Variants in MICAL2 observed in about 807,000 individuals in gnomAD.
MICAL2 encodes the protein microtubule associated monooxygenase, calponin and LIM domain containing 2, also known as [F-actin]-monooxygenase MICAL2.
MICAL2 carries 77 observed loss-of-function variants against 127.3 expected under a neutral mutation model. The observed-to-expected ratio is 0.60, with a 90% CI of 0.50 to 0.73. MICAL2 has a LOEUF of 0.73. Ranked by LOEUF, MICAL2 falls within the 30% of genes least tolerant of loss-of-function variation. The pLI is 0.00. For synonymous variants in MICAL2, 570 were observed against 551.1 expected, an observed-to-expected ratio of 1.03 and a Z score of -0.48; for missense variants, 1,351 against 1,434.4, an observed-to-expected ratio of 0.94 and a Z score of 0.94.
chr11:12,255,793 C>G (rs1177869597), intron 23 of MICAL2, 43 bp downstream of exon 23: 3 of 1,529,966 alleles, frequency 2.0e-6, no homozygotes, highest in Non-Finnish European at 2.7e-6. Context: ...GACACTGGCT[C>G]TGGCATCCCA....
chr11:12,316,302 C>T (rs1289964994), intron 29 of MICAL2, among the ~76,000 whole-genome samples: 1 of 151,838 alleles, frequency 6.6e-6, no homozygotes, highest in African/African-American at 2.4e-5. Flanking sequence ...AATACATTAA[C>T]ATGAGATATC....
Position 12,226,753 on chromosome 11 carries a change from C to T in MICAL2, c.1889-272C>T, listed in dbSNP as rs371451323. ...CTGCAAGCTCTGCCTCCTGGGTTCACGCCATTCTCCTGCCTCAGCCTCCCG... is the reference window on the plus strand; with the variant it reads ...CTGCAAGCTCTGCCTCCTGGGTTCATGCCATTCTCCTGCCTCAGCCTCCCG... On this transcript the variant is annotated intron_variant, in intron 14 of 27. Coordinates refer to ENST00000683283, the MANE Select transcript of MICAL2 (RefSeq NM_001282663.2). Among the ~76,000 whole-genome samples, 24 of 150,078 alleles carry T rather than the reference C, an allele frequency of 1.6e-4. No individual in the cohort carries two copies. The East Asian group carries it at 3.2e-3, about 20-fold the overall frequency.
chr11:12,343,722 G>A (rs1286519688), intron 32 of MICAL2, among the ~76,000 whole-genome samples: 2 of 152,134 alleles, frequency 1.3e-5, no homozygotes, highest in East Asian at 1.9e-4. Flanking sequence ...CTTTTGGATC[G>A]AGAACAAGGA....
intron 3 of MICAL2, among the ~76,000 whole-genome samples, chr11:12,201,279 T>G (rs1860693712): frequency 6.6e-6 from 1 of 152,032 alleles, no homozygotes; most frequent in Non-Finnish European, 1.5e-5. Context: ...TTCCAACCAG[T>G]AAGCCACACT....
Position 12,222,679 on chromosome 11 carries a change from A to T in MICAL2, c.1385A>T (p.Gln462Leu). 1.2e-6 allele frequency: 2 copies of T among 1,614,260 alleles called. No homozygotes were observed. The highest frequency in any genetic ancestry group is 1.7e-6 in the Non-Finnish European group (2 of 1,180,050). The change falls in exon 11 of 28, where the codon CAG (glutamine) becomes CTG (leucine). Residue 462 changes from glutamine to leucine, a missense_variant. Gln to Leu is a moderately radical substitution (Grantham distance 113). Around this residue, in one of 2 missense-constraint regions of MICAL2, gnomAD observed 599 missense variants for 714.9 expected, o/e 0.84. Transcript: ENST00000683283. ...TPENINKNFE[Q>L]YTLDPGTRYP... Reference sequence around the variant, plus strand: ...GAGAACATCAACAAGAACTTTGAGCAGTACACGTTGGACCCAGGGACACGG... The same window carrying T: ...GAGAACATCAACAAGAACTTTGAGCTGTACACGTTGGACCCAGGGACACGG...
intron 3 of MICAL2, among the ~76,000 whole-genome samples, chr11:12,170,039 A>G (rs1299654041): frequency 6.6e-6 from 1 of 152,238 alleles, no homozygotes; most frequent in Non-Finnish European, 1.5e-5. Context: ...GCAGTGCAGC[A>G]GTGAAGTGGC....
rs183544095 is a variant in MICAL2 at position 12,286,634 on chromosome 11, C to T, written c.255-453C>T. Among the ~76,000 whole-genome samples, 164 of 152,116 alleles carry T rather than the reference C, an allele frequency of 1.1e-3. 1 individual carries two copies. Among genetic ancestry groups the T allele is most frequent in the Non-Finnish European group, 1.0e-3 (68 of 67,990 alleles). On this transcript the variant is annotated intron_variant, in intron 2 of 2. Transcript: ENST00000529028. ...CTGTAACCCCAGCACTTTGGGAGGC[C>T]GAGGTGGGAGGATCACTTGAGCCCA...
rs537313598 is a variant in MICAL2, at chr11:12,258,678, G to C, written c.3231+122G>C. 90 of 844,994 alleles carry C rather than the reference G, an allele frequency of 1.1e-4. No homozygotes were observed. The African/African-American group carries it at 1.4e-3, about 13-fold the overall frequency. The allele number at this position is 844,994 out of a possible 1,614,324, so 52.3% of individuals were successfully genotyped here. ...GGGATTGAGATGACTCACAGATAAA[G>C]AAGAAAGCCTCTGCTTCCTGGTGTG... On this transcript the variant is annotated intron_variant, in intron 25 of 27. Coordinates refer to ENST00000683283, the MANE Select transcript of MICAL2 (RefSeq NM_001282663.2).
At chr11:12,249,398 C>G (rs150196041) in intron 22 of MICAL2, 152 bp downstream of exon 22, 1 of 607,130 alleles carries the variant, frequency 1.6e-6, no homozygotes, top group Non-Finnish European at 3.0e-6. Context: ...TGTGCTTGTA[C>G]TGGGAGCTCA....
At chr11:12,175,182 A>G (rs1011685133) in intron 3 of MICAL2, among the ~76,000 whole-genome samples, 1 of 152,094 alleles carries the variant, frequency 6.6e-6, no homozygotes, top group Non-Finnish European at 1.5e-5. Context: ...ATAGCAGTAA[A>G]GAAAACAGAC....
chr11:12,249,120 G>T (rs1861176890), intron 21 of MICAL2, 64 bp from the exon 22 acceptor site: 1 of 1,605,874 alleles, frequency 6.2e-7, no homozygotes, highest in Non-Finnish European at 8.5e-7. Context: ...TTTCCCCAGT[G>T]GAAGAGAATT....
At position 12,207,980 on chromosome 11, in the gene MICAL2, C is replaced by A; in HGVS notation, c.473-43C>A. ...TAGCATTCTGCATATAGGTGGTGTT[C>A]AGGTATTGCTGTGACAGTTCCTCTC... On this transcript the variant is annotated intron_variant, in intron 4 of 27. Transcript: ENST00000683283. 1.4e-6 allele frequency: 2 copies of A among 1,437,880 alleles called. 1 individual carries two copies. Among genetic ancestry groups the A allele is most frequent in the Non-Finnish European group, 2.0e-6 (2 of 1,019,544 alleles). 89.1% of individuals were successfully genotyped at this position (1,437,880 alleles called of 1,614,324 possible). A position where few individuals can be genotyped will look rare whatever the true frequency, so the allele number is the denominator to read the frequency against.
intron 1 of MICAL2, among the ~76,000 whole-genome samples, chr11:12,125,257 G>A (rs1850820511): frequency 6.6e-6 from 1 of 152,192 alleles, no homozygotes; most frequent in Non-Finnish European, 1.5e-5. Context: ...TCACATAGCT[G>A]TACATCTTTT....
intron 29 of MICAL2, among the ~76,000 whole-genome samples, chr11:12,304,637 AACACACACACACACACACACACACAC>A (rs57280679): frequency 7.8e-6 from 1 of 128,834 alleles, no homozygotes; most frequent in African/African-American, 3.2e-5. Flanking sequence ...CTCTGTCTCA[AACACACACACACACACACACACACAC>A]ACACACACAC....
intron 31 of MICAL2, among the ~76,000 whole-genome samples, chr11:12,326,861 A>G (rs1173389070): frequency 6.6e-6 from 1 of 152,176 alleles, no homozygotes; most frequent in Non-Finnish European, 1.5e-5. Flanking sequence ...AGCCATGATG[A>G]CTGCTCACCT....
At chr11:12,195,719 T>G (rs1290318779) in intron 3 of MICAL2, among the ~76,000 whole-genome samples, 2 of 146,138 alleles carry the variant, frequency 1.4e-5, no homozygotes, top group East Asian at 4.2e-4. Context: ...TTTTTTTTTT[T>G]TGTATTAGAA....
At chr11:12,349,900 A>G in exon 33 of MICAL2, 3 of 1,614,150 alleles carry the variant, frequency 1.9e-6, no homozygotes, top group Non-Finnish European at 2.5e-6. Flanking sequence ...TCTGGAGAAG[A>G]ATAAATTAAT....
rs189137218 is a variant in MICAL2, at chr11:12,211,235, G to A, written c.691+1637G>A. 1.2e-3 allele frequency among the ~76,000 whole-genome samples: 188 copies of A among 152,238 alleles called. 1 individual carries two copies. The highest frequency in any genetic ancestry group is 8.5e-3 in the South Asian group (41 of 4,818). Reference sequence around the variant, plus strand: ...TCTCTACTAAAAACACAAAAAATTAGCCGGGCATGGTGGCACGTACCTGTA... The same window carrying A: ...TCTCTACTAAAAACACAAAAAATTAACCGGGCATGGTGGCACGTACCTGTA... On this transcript the variant is annotated intron_variant, in intron 6 of 27. Coordinates refer to ENST00000683283, the MANE Select transcript of MICAL2 (RefSeq NM_001282663.2).
intron 29 of MICAL2, among the ~76,000 whole-genome samples, chr11:12,299,990 G>A (rs1192511359): frequency 6.6e-6 from 1 of 152,156 alleles, no homozygotes; most frequent in Non-Finnish European, 1.5e-5. Flanking sequence ...TAGCGTGCTT[G>A]CTGTGTAGAA....
Sources: gnomAD v4.1 joint callset for allele counts (sites outside exome capture counted in the v4.1 genomes callset) on GRCh38, gnomAD v4.1.1 for gene constraint, gnomAD v4.1.1 regional missense constraint, MANE v1.5 for transcripts, NCBI Gene and HGNC (gene_info 2026-07-23, HGNC 2026-07-21) for gene names.